ARAP2: variants seen among roughly 807,000 people sequenced by gnomAD.
The protein encoded by ARAP2 is arf-GAP with Rho-GAP domain, ANK repeat and PH domain-containing protein 2.
ARAP2 carries 148 observed loss-of-function variants against 194.5 expected under a neutral mutation model. The observed-to-expected ratio is 0.76, with a 90% CI of 0.67 to 0.87. The LOEUF (loss-of-function observed/expected upper bound fraction) is 0.87, where lower values mean the gene tolerates loss of function less well. Ranked by LOEUF, ARAP2 falls within the 40% of genes least tolerant of loss-of-function variation. The pLI is 0.00. For missense variants in ARAP2, 2,128 were observed against 1,989.7 expected (o/e 1.07, Z -1.32); for synonymous variants, 695 against 683.5 (o/e 1.02, Z -0.26).
chr4:36,201,712 T>C (rs892418004), intron 6 of ARAP2, among the ~76,000 whole-genome samples: 17 of 152,164 alleles, frequency 1.1e-4, no homozygotes, highest in African/African-American at 3.9e-4. Context: ...CAACACTGTA[T>C]ACACACACAA....
chr4:36,073,551 T>G (rs892990534), intron 32 of ARAP2, 138 bp downstream of exon 32: 10 of 988,772 alleles, frequency 1.0e-5, no homozygotes, highest in Non-Finnish European at 1.3e-5. Flanking sequence ...TCTTGCTGTA[T>G]GTGATTATTA....
chr4:36,056,164 C>T (rs1723473585), intron 2 of ARAP2, among the ~76,000 whole-genome samples: 2 of 152,098 alleles, frequency 1.3e-5, no homozygotes, highest in Admixed American at 6.5e-5. Flanking sequence ...TATAATAATA[C>T]AAATTCTTTT....
chr4:36,010,510 T>C lies in ARAP2; in HGVS notation n.1325+2053A>G, dbSNP rs916092365. 9.2e-5 allele frequency among the ~76,000 whole-genome samples: 14 copies of C among 152,198 alleles called. No individual in the cohort carries two copies. The South Asian group carries it at 1.0e-3, about 11-fold the overall frequency. On this transcript the variant is annotated intron_variant and non_coding_transcript_variant, in intron 9 of 12. Transcript: ENST00000503225. ...TTTCCCAGTCCAAGTTTTACCTCCA[T>C]ATGTGAAATGACACTGATTCACATA... is the stretch of plus-strand genomic sequence containing the variant.
At chr4:36,031,712 A>G (rs1364144867) in intron 5 of ARAP2, among the ~76,000 whole-genome samples, 1 of 149,132 alleles carries the variant, frequency 6.7e-6, no homozygotes. Context: ...TCTGTCGCCC[A>G]GGCTGGAGTG....
chr4:36,206,640 A>C (rs1346037420), intron 6 of ARAP2, among the ~76,000 whole-genome samples: 1 of 152,226 alleles, frequency 6.6e-6, no homozygotes, highest in Non-Finnish European at 1.5e-5. Context: ...TATTCTGCAG[A>C]CCTTTTTGCT....
intron 16 of ARAP2, among the ~76,000 whole-genome samples, chr4:36,150,368 A>G (rs1328890236): frequency 2.0e-5 from 3 of 152,156 alleles, no homozygotes; most frequent in Admixed American, 6.6e-5. Context: ...AGATTTGGCC[A>G]GGCACGGTGG....
intron 1 of ARAP2, among the ~76,000 whole-genome samples, chr4:36,060,005 G>A (rs777576975): frequency 1.3e-5 from 2 of 152,116 alleles, no homozygotes; most frequent in Non-Finnish European, 2.9e-5. Flanking sequence ...GCAAACAGGA[G>A]CAGACAAATG....
intron 12 of ARAP2, 60 bp downstream of exon 12, chr4:36,161,405 C>T: frequency 7.1e-7 from 1 of 1,412,182 alleles, no homozygotes; most frequent in Non-Finnish European, 1.0e-6. Context: ...AGCAAACCTC[C>T]TCCCAGTCTC....
chr4:36,116,473 A>G (rs772439433), intron 25 of ARAP2, among the ~76,000 whole-genome samples: 48 of 151,938 alleles, frequency 3.2e-4, no homozygotes, highest in Non-Finnish European at 5.6e-4. Flanking sequence ...TTTTTAATTC[A>G]TCACAAATGA....
downstream of ARAP2, among the ~76,000 whole-genome samples, chr4:36,062,633 A>AGAGTGTGTGT (rs1553882454): frequency 2.7e-5 from 4 of 148,262 alleles, no homozygotes; most frequent in African/African-American, 5.0e-5. Flanking sequence ...TTTGTGTGAG[A>AGAGTGTGTGT]GTGTGTGTGT....
chr4:36,151,819 T>C (rs1404290681), intron 15 of ARAP2, among the ~76,000 whole-genome samples: 7 of 152,086 alleles, frequency 4.6e-5, no homozygotes, highest in African/African-American at 1.4e-4. Context: ...GTATTATACA[T>C]AGGCATATAT....
chr4:36,195,629 T>C (rs1742894440), intron 6 of ARAP2, among the ~76,000 whole-genome samples: 2 of 152,232 alleles, frequency 1.3e-5, no homozygotes, highest in African/African-American at 4.8e-5. Context: ...AATTAACATC[T>C]GTGGGGGATA....
intron 2 of ARAP2, among the ~76,000 whole-genome samples, chr4:36,217,880 A>C (rs1748318189): frequency 6.6e-6 from 1 of 151,574 alleles, no homozygotes; most frequent in South Asian, 2.1e-4. Context: ...ATACGATAAT[A>C]CTAGATAAAT....
exon 2 of ARAP2, chr4:36,057,983 G>A (rs983177435): frequency 1.2e-4 from 18 of 150,424 alleles, no homozygotes; most frequent in African/African-American, 4.4e-4. Flanking sequence ...TCCATCTTCT[G>A]GCAAAGAGGA....
Position 36,159,343 on chromosome 4 carries a change from T to C in ARAP2, c.2605A>G (p.Asn869Asp). The C allele has an allele frequency of 1.2e-6, 2 of 1,601,230 alleles. No homozygotes were observed. Among genetic ancestry groups the C allele is most frequent in the Non-Finnish European group, 8.5e-7 (1 of 1,172,334 alleles). Residue 869 changes from asparagine (N) to aspartate (D), a missense_variant, in exon 14 of 33, where the codon AAC (asparagine) becomes GAC (aspartate). Coordinates refer to ENST00000303965, the MANE Select transcript of ARAP2 (RefSeq NM_015230.4). ...GACAGTGACGAACCTGAGAATTTGT[T>C]ATGGTAGAGAAATTCCATTTGCAGA... ...QSLQMEFLYH[N>D]KFSDFPQHDI...
intron 28 of ARAP2, among the ~76,000 whole-genome samples, chr4:36,090,307 C>T (rs972756285): frequency 6.6e-6 from 1 of 152,080 alleles, no homozygotes. Flanking sequence ...GAGGGATTCA[C>T]AGCTGAATTC....
rs1734937149 is a variant in ARAP2, at chr4:36,164,972, G to T, written c.2115C>A (p.Ala705=). ...TGATGGATGCCCAGTCAGGATCTGG[G>T]GCTTTACAATCTGCACAGCTCCTGT... The part of the protein sequence containing the change: ...ESNRSCADCK[A]PDPDWASINL... Residue 705 remains alanine (A), a synonymous_variant, in exon 11 of 33, where the codon GCC becomes GCA. Coordinates refer to ENST00000303965, the MANE Select transcript of ARAP2 (RefSeq NM_015230.4). 1 of 1,613,928 alleles carries T rather than the reference G, an allele frequency of 6.2e-7. No homozygotes were observed. The highest frequency in any genetic ancestry group is 1.3e-5 in the African/African-American group (1 of 74,892).
At chr4:36,087,076 A>G (rs1310497432) in intron 28 of ARAP2, among the ~76,000 whole-genome samples, 1 of 152,098 alleles carries the variant, frequency 6.6e-6, no homozygotes, top group East Asian at 1.9e-4. Context: ...ACAAGCATGC[A>G]TATATTAATG....
chr4:36,210,940 C>G (rs1277335519), intron 5 of ARAP2, among the ~76,000 whole-genome samples, 197 bp from the exon 6 acceptor site: 1 of 152,150 alleles, frequency 6.6e-6, no homozygotes, highest in Non-Finnish European at 1.5e-5. Flanking sequence ...CCTATGACAT[C>G]TGAATACTAC....
Sources: gnomAD v4.1 joint callset for allele counts (sites outside exome capture counted in the v4.1 genomes callset) on GRCh38, gnomAD v4.1.1 for gene constraint, MANE v1.5 for transcripts, NCBI Gene and HGNC (gene_info 2026-07-23, HGNC 2026-07-21) for gene names.